MYO1D: variants seen among roughly 807,000 people sequenced by gnomAD.
MYO1D encodes the protein myosin ID.
MYO1D carries 83 observed loss-of-function variants against 122.0 expected under a neutral mutation model. That is an observed-to-expected ratio of 0.68 (90% CI 0.57 to 0.82). The LOEUF (loss-of-function observed/expected upper bound fraction) is 0.82, where lower values mean the gene tolerates loss of function less well. Among genes scored for constraint, MYO1D ranks in the 40% least tolerant of loss-of-function variants. The pLI, the probability that MYO1D is intolerant of heterozygous loss-of-function variation, is 0.00. For missense variants in MYO1D, 1,157 were observed against 1,269.5 expected, an observed-to-expected ratio of 0.91 and a Z score of 1.35; for synonymous variants, 464 against 446.9, an observed-to-expected ratio of 1.04 and a Z score of -0.48.
intron 1 of MYO1D, chr17:32,862,941 G>C (rs2091090454): frequency 6.6e-6 from 1 of 152,224 alleles, no homozygotes; most frequent in Non-Finnish European, 1.5e-5. Flanking sequence ...ACCATCTCCA[G>C]AAGACAGAGT....
At chr17:32,534,041 T>C (rs1910588196) in intron 21 of MYO1D, among the ~76,000 whole-genome samples, 1 of 152,230 alleles carries the variant, frequency 6.6e-6, no homozygotes, top group South Asian at 2.1e-4. Flanking sequence ...TTAAATAGGA[T>C]AGTAATAGTA....
At chr17:32,628,827 C>T (rs1159289144) in intron 20 of MYO1D, among the ~76,000 whole-genome samples, 2 of 152,176 alleles carry the variant, frequency 1.3e-5, no homozygotes, top group African/African-American at 4.8e-5. Flanking sequence ...AAAATACTGG[C>T]AGTTCTTACA....
chr17:32,827,155 T>C (rs1223803928), intron 1 of MYO1D, among the ~76,000 whole-genome samples: 2 of 152,182 alleles, frequency 1.3e-5, no homozygotes, highest in African/African-American at 4.8e-5. Flanking sequence ...CATCGATGGA[T>C]GAACGGAGAA....
intron 21 of MYO1D, among the ~76,000 whole-genome samples, chr17:32,582,109 T>A (rs2087347259): frequency 1.3e-5 from 2 of 151,796 alleles, no homozygotes; most frequent in Admixed American, 6.6e-5. Context: ...GAGATAGGGT[T>A]TTACCACGTT....
At chr17:32,660,196 A>C (rs1196279052) in intron 16 of MYO1D, among the ~76,000 whole-genome samples, 1 of 152,136 alleles carries the variant, frequency 6.6e-6, no homozygotes, top group East Asian at 1.9e-4. Context: ...AAACAACCCT[A>C]GTTGCTTTCT....
chr17:32,630,819 C>T (rs1048198158), intron 20 of MYO1D, among the ~76,000 whole-genome samples: 3 of 152,090 alleles, frequency 2.0e-5, no homozygotes, highest in African/African-American at 4.8e-5. Context: ...GTGATCCACC[C>T]GCCTCAGCCT....
intron 20 of MYO1D, among the ~76,000 whole-genome samples, chr17:32,616,787 G>A (rs543263795): frequency 6.6e-6 from 1 of 152,238 alleles, no homozygotes; most frequent in South Asian, 2.1e-4. Flanking sequence ...GGCTTTTGAC[G>A]AATAAAATGC....
chr17:32,646,915 T>C (rs111394719), intron 19 of MYO1D, among the ~76,000 whole-genome samples: 1 of 152,180 alleles, frequency 6.6e-6, no homozygotes. Context: ...TCCAGACTTA[T>C]AATTATGGCA....
At chr17:32,822,600 C>T (rs1286579453) in intron 1 of MYO1D, among the ~76,000 whole-genome samples, 2 of 148,480 alleles carry the variant, frequency 1.3e-5, no homozygotes, top group Non-Finnish European at 3.0e-5. Context: ...GCGGCCGCGC[C>T]GAGCCGGGCC....
At chr17:32,518,043 G>T (rs1472074810) in intron 21 of MYO1D, among the ~76,000 whole-genome samples, 1 of 148,616 alleles carries the variant, frequency 6.7e-6, no homozygotes, top group South Asian at 2.2e-4. Flanking sequence ...CACCTGGCCC[G>T]CCACTCTGCC....
intron 5 of MYO1D, 123 bp downstream of exon 5, chr17:32,772,666 G>A (rs968369950): frequency 5.8e-5 from 46 of 796,936 alleles, no homozygotes; most frequent in African/African-American, 5.6e-4. Context: ...GCGTGCATGC[G>A]TGACATGTTA....
intron 16 of MYO1D, among the ~76,000 whole-genome samples, chr17:32,699,596 GAAGTCCTTATCTATA>G (rs1283560358): frequency 6.6e-6 from 1 of 152,188 alleles, no homozygotes; most frequent in Non-Finnish European, 1.5e-5. Flanking sequence ...ATAACAGTAT[GAAGTCCTTATCTATA>G]AAGTCCTTAT....
chr17:32,629,373 TA>T (rs967082248), intron 20 of MYO1D, among the ~76,000 whole-genome samples: 10 of 151,920 alleles, frequency 6.6e-5, no homozygotes, highest in African/African-American at 1.9e-4. Flanking sequence ...GTGGGCAACT[TA>T]AAAAAAATTA....
intron 1 of MYO1D, among the ~76,000 whole-genome samples, chr17:32,852,099 T>TA (rs1598155856): frequency 6.6e-6 from 1 of 152,340 alleles, no homozygotes; most frequent in East Asian, 1.9e-4. Context: ...TAGAAATTGA[T>TA]ATGACCATTT....
intron 1 of MYO1D, among the ~76,000 whole-genome samples, chr17:32,852,898 T>A (rs2091001206): frequency 1.3e-5 from 2 of 152,206 alleles, no homozygotes; most frequent in African/African-American, 2.4e-5. Context: ...CTCATATACT[T>A]CAAAAGCATC....
chr17:32,568,186 CAAAAAA>C (rs386385913), intron 21 of MYO1D, among the ~76,000 whole-genome samples: 1 of 124,356 alleles, frequency 8.0e-6, no homozygotes, highest in African/African-American at 2.9e-5. Flanking sequence ...TGCGTTATTA[CAAAAAA>C]AAAAAAAAAA....
chr17:32,822,154 G>A lies in MYO1D; in HGVS notation c.96-41370C>T, dbSNP rs979784487. ...GTCCAACAATGATAGACTGGATTAA[G>A]AAAATGTGGCACATATACATCATGG... On this transcript the variant is annotated intron_variant, in intron 1 of 21. Transcript: ENST00000318217. 2.0e-5 allele frequency among the ~76,000 whole-genome samples: 3 copies of A among 152,088 alleles called. No homozygotes were observed. In the East Asian group the frequency reaches 5.8e-4, roughly 29 times the overall value.
chr17:32,649,632 T>A (rs1220822226), intron 19 of MYO1D, among the ~76,000 whole-genome samples: 1 of 145,676 alleles, frequency 6.9e-6, no homozygotes, highest in African/African-American at 2.6e-5. Context: ...AGTGCAGTAG[T>A]GCGATCTCAG....
chr17:32,639,257 C>T (rs1300841323), intron 19 of MYO1D, among the ~76,000 whole-genome samples: 2 of 151,742 alleles, frequency 1.3e-5, no homozygotes, highest in Non-Finnish European at 2.9e-5. Context: ...TAATAAGAAT[C>T]TGAGACTGGT....
Sources: gnomAD v4.1 joint callset for allele counts (sites outside exome capture counted in the v4.1 genomes callset) on GRCh38, gnomAD v4.1.1 for gene constraint, MANE v1.5 for transcripts, NCBI Gene and HGNC (gene_info 2026-07-23, HGNC 2026-07-21) for gene names.